The following PHLDB2 variants were observed in gnomAD, a reference collection of about 807,000 sequenced individuals.
The protein encoded by PHLDB2 is pleckstrin homology like domain family B member 2, also known as pleckstrin homology-like domain family B member 2.
A neutral mutation model predicts 123.6 loss-of-function variants in PHLDB2; 71 were observed. That is an observed-to-expected ratio of 0.57 (90% confidence interval 0.47 to 0.70). The LOEUF is 0.70. Ranked by LOEUF, PHLDB2 falls within the 30% of genes least tolerant of loss-of-function variation. The probability of loss-of-function intolerance (pLI) is 0.00; values close to 1 mark genes in which losing one functional copy is unlikely to be tolerated. For missense variants in PHLDB2, 1,446 were observed against 1,519.5 expected (o/e 0.95, Z 0.80); for synonymous variants, 547 against 541.6 (o/e 1.01, Z -0.14).
intron 3 of PHLDB2, 123 bp downstream of exon 3, chr3:111,913,825 A>C: frequency 7.6e-7 from 1 of 1,322,704 alleles, no homozygotes. Flanking sequence ...ATTTCAATTT[A>C]AGAGGTCATT....
At chr3:111,866,930 G>GGTGTGTGTGTGTGTGTGTGTGTGTGTGT (rs3082321) in intron 1 of PHLDB2, among the ~76,000 whole-genome samples, 1 of 126,004 alleles carries the variant, frequency 7.9e-6, no homozygotes, top group Non-Finnish European at 1.7e-5. Context: ...GTTTCTAAGG[G>GGTGTGTGTGTGTGTGTGTGTGTGTGTGT]GTGTGTGTGT....
chr3:111,825,199 T>C (rs2062597256), intron 1 of PHLDB2, among the ~76,000 whole-genome samples: 1 of 152,186 alleles, frequency 6.6e-6, no homozygotes, highest in African/African-American at 2.4e-5. Flanking sequence ...TGTAGGACAA[T>C]TGAGCAAACA....
intron 1 of PHLDB2, among the ~76,000 whole-genome samples, chr3:111,736,688 A>G (rs2059513758): frequency 6.6e-6 from 1 of 152,188 alleles, no homozygotes; most frequent in South Asian, 2.1e-4. Context: ...TCAGGCAGAG[A>G]CCACTCAAAT....
intron 1 of PHLDB2, among the ~76,000 whole-genome samples, chr3:111,736,080 A>T (rs1320666226): frequency 2.0e-5 from 3 of 152,260 alleles, no homozygotes; most frequent in Non-Finnish European, 2.9e-5. Flanking sequence ...GTAAGCATAA[A>T]ACTCAGTATG....
At chr3:111,804,598 T>C (rs1179785650) in intron 1 of PHLDB2, among the ~76,000 whole-genome samples, 2 of 152,176 alleles carry the variant, frequency 1.3e-5, no homozygotes, top group Non-Finnish European at 2.9e-5. Flanking sequence ...CCTCAAAAAA[T>C]TAGTCCCACA....
At chr3:111,961,160 G>A (rs190782333) in intron 12 of PHLDB2, among the ~76,000 whole-genome samples, 8 of 152,170 alleles carry the variant, frequency 5.3e-5, no homozygotes, top group African/African-American at 1.7e-4. Flanking sequence ...GTGAAACCCC[G>A]TCTCTACTAA....
intron 2 of PHLDB2, among the ~76,000 whole-genome samples, chr3:111,910,840 C>G (rs901593826): frequency 6.6e-6 from 1 of 152,200 alleles, no homozygotes; most frequent in African/African-American, 2.4e-5. Context: ...GTTTATTTTT[C>G]TTTAGTGCAG....
At chr3:111,813,871 C>G (rs1004622957) in intron 1 of PHLDB2, among the ~76,000 whole-genome samples, 9 of 152,164 alleles carry the variant, frequency 5.9e-5, no homozygotes, top group African/African-American at 2.2e-4. Context: ...AAAAGGGGCA[C>G]TAAAGAAGGC....
rs143520467 is a variant in PHLDB2, at chr3:111,925,128, C to T, written c.2001+4709C>T. 2.8e-3 allele frequency among the ~76,000 whole-genome samples: 432 copies of T among 152,338 alleles called. 4 individuals carry two copies. Among genetic ancestry groups the T allele is most frequent in the African/African-American group, 9.8e-3 (409 of 41,586 alleles). ...ACAGGTGTGAGCCACCAAGCCCAGACATCAGCATTCAAATCTTGATATGAA... is the reference window on the plus strand; with the variant it reads ...ACAGGTGTGAGCCACCAAGCCCAGATATCAGCATTCAAATCTTGATATGAA... On this transcript the variant is annotated intron_variant, in intron 5 of 17. Coordinates refer to ENST00000431670, the MANE Select transcript of PHLDB2 (RefSeq NM_001134438.2).
chr3:111,809,508 C>A (rs1339443696), intron 1 of PHLDB2, among the ~76,000 whole-genome samples: 1 of 152,180 alleles, frequency 6.6e-6, no homozygotes, highest in Admixed American at 6.5e-5. Context: ...CTTCTTTTCT[C>A]CACAAACACC....
chr3:111,912,900 C>A (rs922820392), intron 2 of PHLDB2, among the ~76,000 whole-genome samples: 1 of 152,120 alleles, frequency 6.6e-6, no homozygotes, highest in East Asian at 1.9e-4. Flanking sequence ...GATCACTGGA[C>A]CCCAGGAGTT....
intron 2 of PHLDB2, chr3:111,885,694 G>C (rs1283007): frequency 0.84 from 520,958 of 617,694 alleles, 220,716 homozygotes; most frequent in East Asian, 1. Flanking sequence ...AGAGGAGTTG[G>C]GAATTTTATG....
intron 2 of PHLDB2, among the ~76,000 whole-genome samples, chr3:111,851,677 A>T (rs2064262183): frequency 6.6e-6 from 1 of 152,102 alleles, no homozygotes; most frequent in Non-Finnish European, 1.5e-5. Flanking sequence ...CACTTCCTAC[A>T]TAGCCGCTGG....
intron 1 of PHLDB2, among the ~76,000 whole-genome samples, chr3:111,761,624 C>G (rs747355780): frequency 3.3e-5 from 5 of 152,216 alleles, no homozygotes; most frequent in Non-Finnish European, 4.4e-5. Context: ...TCTCAAACTT[C>G]AGCTGCATTC....
intron 1 of PHLDB2, among the ~76,000 whole-genome samples, chr3:111,825,393 C>T (rs1445496987): frequency 6.6e-6 from 1 of 152,126 alleles, no homozygotes; most frequent in Non-Finnish European, 1.5e-5. Flanking sequence ...TCATATTGAC[C>T]ATGCTTACAG....
At chr3:111,817,438 A>T (rs1021857475) in intron 1 of PHLDB2, among the ~76,000 whole-genome samples, 1 of 152,216 alleles carries the variant, frequency 6.6e-6, no homozygotes, top group Admixed American at 6.5e-5. Flanking sequence ...AAGGAGAAAG[A>T]ATAGGATTGG....
rs76992030 is a variant in PHLDB2, at chr3:111,739,368, T to C, written c.-49+6665T>C. 4.4e-3 allele frequency among the ~76,000 whole-genome samples: 669 copies of C among 152,206 alleles called. 6 individuals are homozygous for C. The highest frequency in any genetic ancestry group is 0.015 in the African/African-American group (610 of 41,538). On this transcript the variant is annotated intron_variant, in intron 1 of 17. Coordinates refer to the PHLDB2 transcript ENST00000393923. ...CTTTGCCACGCCTGTGTGCCACTAA[T>C]GCAAGCTCCAGCAGGCAGTCAGTCA... is the stretch of plus-strand genomic sequence containing the variant.
At chr3:111,937,985 T>A (rs2069607256) in intron 6 of PHLDB2, among the ~76,000 whole-genome samples, 1 of 152,160 alleles carries the variant, frequency 6.6e-6, no homozygotes. Flanking sequence ...GGTTAGAGAA[T>A]GCTTTTTCTA....
At chr3:111,878,513 T>C (rs1341361214) in intron 1 of PHLDB2, among the ~76,000 whole-genome samples, 2 of 152,214 alleles carry the variant, frequency 1.3e-5, no homozygotes, top group East Asian at 1.9e-4. Flanking sequence ...GACAATTGAC[T>C]TCCTCTTTTC....
Sources: allele counts gnomAD v4.1 joint callset (sites outside exome capture counted in the v4.1 genomes callset), GRCh38; gene constraint gnomAD v4.1.1; transcripts MANE v1.5; gene names NCBI Gene and HGNC (gene_info 2026-07-23, HGNC 2026-07-21).